Variants in CSNK2A2IP observed in about 807,000 individuals in gnomAD.
The protein encoded by CSNK2A2IP is casein kinase II subunit alpha'-interacting protein.
chr3:88,400,686 T>C, the CSNK2A2IP span, among the ~76,000 whole-genome samples: 1 of 152,168 alleles, frequency 6.6e-6, no homozygotes, highest in African/African-American at 2.4e-5. Flanking sequence ...CTAGGAATTA[T>C]AGGTGGCCCT....
chr3:88,456,902 C>G, the CSNK2A2IP span, among the ~76,000 whole-genome samples: 6 of 151,988 alleles, frequency 3.9e-5, no homozygotes, highest in African/African-American at 1.2e-4. Context: ...GGTCTTTCAG[C>G]TTTTTTCCTT....
At chr3:88,375,462 C>T in the CSNK2A2IP span, among the ~76,000 whole-genome samples, 8 of 151,650 alleles carry the variant, frequency 5.3e-5, no homozygotes, top group African/African-American at 1.9e-4. Context: ...TGGTTGTGAG[C>T]ACTTGTGAAG....
the CSNK2A2IP span, among the ~76,000 whole-genome samples, chr3:88,342,018 A>C: frequency 3.3e-5 from 5 of 151,972 alleles, no homozygotes; most frequent in Non-Finnish European, 7.4e-5. Context: ...TGACATATAT[A>C]CTAGTATAAA....
At chr3:88,389,934 A>AT in the CSNK2A2IP span, among the ~76,000 whole-genome samples, 5 of 152,058 alleles carry the variant, frequency 3.3e-5, no homozygotes, top group East Asian at 7.7e-4. Flanking sequence ...CCATGTTAGT[A>AT]TACTTCCTTT....
the CSNK2A2IP span, among the ~76,000 whole-genome samples, chr3:88,386,937 G>C: frequency 3.9e-5 from 6 of 152,100 alleles, no homozygotes; most frequent in Non-Finnish European, 8.8e-5. Flanking sequence ...GCATTGAGAT[G>C]GATGGGAGAT....
chr3:88,429,784 G>T, the CSNK2A2IP span, among the ~76,000 whole-genome samples: 66 of 152,174 alleles, frequency 4.3e-4, no homozygotes, highest in African/African-American at 1.5e-3. Context: ...ACGGAGTCTC[G>T]TTCTGTCGCC....
the CSNK2A2IP span, among the ~76,000 whole-genome samples, chr3:88,357,418 A>G: frequency 6.6e-6 from 1 of 152,012 alleles, no homozygotes; most frequent in South Asian, 2.1e-4. Flanking sequence ...CTGTTCCATT[A>G]GTGTTGCTGG....
the CSNK2A2IP span, among the ~76,000 whole-genome samples, chr3:88,379,463 C>T: frequency 6.6e-6 from 1 of 152,128 alleles, no homozygotes; most frequent in East Asian, 1.9e-4. Flanking sequence ...TTTTAATATG[C>T]TTGTGCAATT....
chr3:88,344,537 A>C, the CSNK2A2IP span, among the ~76,000 whole-genome samples: 2 of 151,952 alleles, frequency 1.3e-5, no homozygotes, highest in Non-Finnish European at 2.9e-5. Context: ...TTGAGTTTAC[A>C]TGATAGAAAT....
At chr3:88,383,203 CA>C in the CSNK2A2IP span, among the ~76,000 whole-genome samples, 3 of 152,090 alleles carry the variant, frequency 2.0e-5, no homozygotes, top group Non-Finnish European at 4.4e-5. Context: ...CCTTAACTCT[CA>C]AATCCAATGG....
chr3:88,375,826 A>G, the CSNK2A2IP span, among the ~76,000 whole-genome samples: 1 of 151,722 alleles, frequency 6.6e-6, no homozygotes, highest in African/African-American at 2.4e-5. Context: ...CACTCAAGAC[A>G]CCATGCTCTC....
At chr3:88,359,399 TCTA>T in the CSNK2A2IP span, among the ~76,000 whole-genome samples, 7 of 152,168 alleles carry the variant, frequency 4.6e-5, no homozygotes, top group South Asian at 1.4e-3. Context: ...ATTTTTTTCT[TCTA>T]CTAATTTTGG....
At chr3:88,433,064 G>T in the CSNK2A2IP span, among the ~76,000 whole-genome samples, 8 of 151,972 alleles carry the variant, frequency 5.3e-5, no homozygotes, top group East Asian at 1.5e-3. Flanking sequence ...ATTATCCAAG[G>T]TTATAAAGAT....
the CSNK2A2IP span, among the ~76,000 whole-genome samples, chr3:88,359,082 A>C: frequency 6.9e-6 from 1 of 145,086 alleles, no homozygotes; most frequent in Non-Finnish European, 1.5e-5. Flanking sequence ...CTTCTTTTCT[A>C]TCTCATTACT....
At chr3:88,340,422 A>G in the CSNK2A2IP span, among the ~76,000 whole-genome samples, 1 of 151,996 alleles carries the variant, frequency 6.6e-6, no homozygotes, top group Admixed American at 6.6e-5. Flanking sequence ...ATTATTCGTA[A>G]TGTATATTTT....
the CSNK2A2IP span, among the ~76,000 whole-genome samples, chr3:88,371,552 G>T: frequency 1.3e-5 from 2 of 151,654 alleles, no homozygotes; most frequent in Non-Finnish European, 3.0e-5. Context: ...TTCCTCAGAG[G>T]CTGGTGAAAA....
At chr3:88,358,004 G>T in the CSNK2A2IP span, among the ~76,000 whole-genome samples, 1 of 152,042 alleles carries the variant, frequency 6.6e-6, no homozygotes, top group South Asian at 2.1e-4. Flanking sequence ...TTGAGCCACT[G>T]CTCCCAGTCC....
the CSNK2A2IP span, among the ~76,000 whole-genome samples, chr3:88,443,726 A>G: frequency 3.9e-5 from 6 of 152,196 alleles, no homozygotes; most frequent in East Asian, 9.6e-4. Context: ...CAAAGATGTC[A>G]TTAATGTTAA....
the CSNK2A2IP span, among the ~76,000 whole-genome samples, chr3:88,398,691 T>C: frequency 1.3e-5 from 2 of 152,154 alleles, no homozygotes; most frequent in Non-Finnish European, 2.9e-5. Flanking sequence ...TATTTAACAA[T>C]TACAAGTTGA....
Sources: allele counts gnomAD v4.1 joint callset (sites outside exome capture counted in the v4.1 genomes callset), GRCh38; gene constraint gnomAD v4.1.1; transcripts MANE v1.5; gene names NCBI Gene and HGNC (gene_info 2026-07-23, HGNC 2026-07-21).